HIVEP2: variants seen among roughly 807,000 people sequenced by gnomAD.
The protein encoded by HIVEP2 is HIVEP zinc finger 2.
In HIVEP2, 14 loss-of-function variants were observed where a neutral mutation model predicts 180.7. That is an observed-to-expected ratio of 0.08 (90% CI 0.05 to 0.12). The LOEUF (loss-of-function observed/expected upper bound fraction) is 0.12. Ranked by LOEUF, HIVEP2 falls within the 10% of genes least tolerant of loss-of-function variation. HIVEP2 has a pLI of 1.00. For missense variants in HIVEP2, 2,579 were observed against 3,008.5 expected (o/e 0.86, Z 3.34); for synonymous variants, 1,184 against 1,136.4 (o/e 1.04, Z -0.84).
chr6:142,753,126 T>A lies in HIVEP2; in HGVS notation c.7322A>T (p.Glu2441Val), dbSNP rs1301945969. ...STEESKDPSS[E>V]KSQLH ...CATAGATCAATGTAGCTGACTCTTT[T>A]CTGATGAAGGATCTTTGCTTTCCTC... The change falls in exon 10 of 10, where the codon GAA becomes GTA. Residue 2441 changes from glutamate to valine, a missense_variant. This residue lies in a region of HIVEP2 where 660 missense variants were observed against 731.7 expected (regional missense o/e 0.90). Transcript: ENST00000367603. 1 of 1,604,188 alleles carries A rather than the reference T, an allele frequency of 6.2e-7. No homozygotes were observed. The highest frequency in any genetic ancestry group is 8.5e-7 in the Non-Finnish European group (1 of 1,171,020).
intron 1 of HIVEP2, among the ~76,000 whole-genome samples, chr6:142,873,248 C>T (rs1041087434): frequency 3.9e-5 from 6 of 152,182 alleles, no homozygotes; most frequent in Non-Finnish European, 7.4e-5. Context: ...TTTATATCTA[C>T]TCACTAGAAA....
intron 1 of HIVEP2, among the ~76,000 whole-genome samples, chr6:142,934,611 C>T (rs145396117): frequency 4.6e-5 from 7 of 152,044 alleles, no homozygotes; most frequent in Non-Finnish European, 1.0e-4. Context: ...TTAGAGAAAG[C>T]GAATTTATTA....
intron 1 of HIVEP2, among the ~76,000 whole-genome samples, chr6:142,892,814 G>C (rs1359805957): frequency 6.6e-6 from 1 of 152,158 alleles, no homozygotes; most frequent in South Asian, 2.1e-4. Context: ...AGGGAATGGG[G>C]AGTCAAGATT....
chr6:142,871,588 T>C (rs971642648), intron 1 of HIVEP2, among the ~76,000 whole-genome samples: 56 of 151,838 alleles, frequency 3.7e-4, no homozygotes, highest in African/African-American at 1.3e-3. Context: ...ATTTACCTTA[T>C]GGAGTACATT....
At chr6:142,825,630 G>A (rs921446698) in intron 2 of HIVEP2, among the ~76,000 whole-genome samples, 4 of 152,088 alleles carry the variant, frequency 2.6e-5, no homozygotes, top group Non-Finnish European at 5.9e-5. Context: ...AAATGTGTAA[G>A]GTCAAACATA....
intron 1 of HIVEP2, among the ~76,000 whole-genome samples, chr6:142,852,955 GCTTA>G (rs1249776748): frequency 6.6e-6 from 1 of 152,108 alleles, no homozygotes; most frequent in Non-Finnish European, 1.5e-5. Context: ...GTATTTTTGT[GCTTA>G]TCTTTTAATT....
At chr6:142,823,321 A>C (rs1448085343) in intron 2 of HIVEP2, among the ~76,000 whole-genome samples, 1 of 152,184 alleles carries the variant, frequency 6.6e-6, no homozygotes, top group East Asian at 1.9e-4. Flanking sequence ...ATAGGCATCC[A>C]GATGTCCTGT....
At position 142,936,281 on chromosome 6, in the gene HIVEP2, G is replaced by A. The variant is rs530494515; in HGVS notation, c.-641+8818C>T. On this transcript the variant is annotated intron_variant, in intron 1 of 9. Coordinates refer to ENST00000367603, the MANE Select transcript of HIVEP2 (RefSeq NM_006734.4). The stretch of plus-strand genomic sequence containing the variant: ...GATCTCGGCTCACTGCAACCTCTAC[G>A]TCCCGGGTTCAGGCGATTCTCCTGT... Among the ~76,000 whole-genome samples the A allele has an allele frequency of 3.2e-4, 49 of 151,234 alleles. No homozygotes were observed. The South Asian group carries it at 9.4e-3, about 29-fold the overall frequency.
intron 2 of HIVEP2, among the ~76,000 whole-genome samples, chr6:142,831,131 C>G (rs188803311): frequency 6.6e-6 from 1 of 152,110 alleles, no homozygotes; most frequent in Non-Finnish European, 1.5e-5. Flanking sequence ...GTGGAAGGGT[C>G]GAGGGTCCTA....
Position 142,752,881 on chromosome 6 carries a change from A to AT in HIVEP2, c.*225dup. 1 of 483,280 alleles carries AT rather than the reference A, an allele frequency of 2.1e-6. No homozygotes were observed. 29.9% of individuals were successfully genotyped at this position (483,280 alleles called of 1,614,324 possible). A position where few individuals can be genotyped will look rare whatever the true frequency, so the allele number is the denominator to read the frequency against. ...AAGAAAAGGCACAAACATCTGTACAATTTTAAAAGTACCAGACCCAATAGG... is the reference window on the plus strand; with the variant it reads ...AAGAAAAGGCACAAACATCTGTACAATTTTTAAAAGTACCAGACCCAATAGG... On this transcript the variant is annotated 3_prime_UTR_variant, in exon 10 of 10. Transcript: ENST00000367603.
intron 1 of HIVEP2, among the ~76,000 whole-genome samples, chr6:142,839,969 A>G (rs970966791): frequency 1.3e-5 from 2 of 152,118 alleles, no homozygotes; most frequent in Non-Finnish European, 2.9e-5. Context: ...CAAAAATTCA[A>G]TCATGGCTAG....
intron 1 of HIVEP2, among the ~76,000 whole-genome samples, chr6:142,877,941 C>T (rs535238137): frequency 1.3e-5 from 2 of 152,196 alleles, no homozygotes; most frequent in African/African-American, 4.8e-5. Flanking sequence ...GGCAAAATTT[C>T]CAAACAAGTG....
intron 2 of HIVEP2, among the ~76,000 whole-genome samples, chr6:142,824,142 G>A (rs780765003): frequency 1.3e-5 from 2 of 152,040 alleles, no homozygotes; most frequent in Non-Finnish European, 2.9e-5. Context: ...TGACACCTTA[G>A]TATATATAAT....
At position 142,774,232 on chromosome 6, in the gene HIVEP2, A is replaced by T. The variant is rs779498668; in HGVS notation, c.507T>A (p.Ser169Arg). ...TGTGAGCCTCTTCTGCCTGTTCAAT[A>T]CTTTTCTGGGAGTATTGGCTATAAG... ...NPAYSQYSQK[S>R]IEQAEEAHKK... The change falls in exon 5 of 10, where the codon AGT becomes AGA. Residue 169 changes from serine (S) to arginine (R), a missense_variant. By Grantham distance (110) the Ser-to-Arg change is moderately radical. Coordinates refer to ENST00000367603, the MANE Select transcript of HIVEP2 (RefSeq NM_006734.4). The surrounding 1 kb of genome is among the most constrained non-coding windows in gnomAD (Gnocchi z 5.1). The T allele has an allele frequency of 1.2e-6, 2 of 1,614,114 alleles. No homozygotes were observed. Among genetic ancestry groups the T allele is most frequent in the East Asian group, 2.2e-5 (1 of 44,882 alleles).
chr6:142,908,047 A>T (rs755829685), intron 1 of HIVEP2, among the ~76,000 whole-genome samples: 4 of 152,210 alleles, frequency 2.6e-5, no homozygotes, highest in Non-Finnish European at 5.9e-5. Context: ...AACAACCTAA[A>T]GAACAGGGCA....
intron 1 of HIVEP2, among the ~76,000 whole-genome samples, chr6:142,889,884 G>A (rs1425737076): frequency 6.6e-6 from 1 of 152,172 alleles, no homozygotes; most frequent in Non-Finnish European, 1.5e-5. Context: ...CACTTGAAAT[G>A]TGGCTAGTAT....
intron 9 of HIVEP2, among the ~76,000 whole-genome samples, chr6:142,758,111 C>T (rs935569181): frequency 2.6e-5 from 4 of 152,210 alleles, no homozygotes; most frequent in African/African-American, 9.7e-5. Flanking sequence ...AGGAGATTTA[C>T]AGTTCTCTAT....
chr6:142,912,778 C>A (rs1777447005), intron 1 of HIVEP2, among the ~76,000 whole-genome samples: 1 of 152,198 alleles, frequency 6.6e-6, no homozygotes, highest in African/African-American at 2.4e-5. Context: ...GGAAACCATC[C>A]ACCATCCCCA....
intron 1 of HIVEP2, among the ~76,000 whole-genome samples, chr6:142,930,774 A>G (rs1162267557): frequency 1.3e-5 from 2 of 152,146 alleles, no homozygotes; most frequent in Non-Finnish European, 2.9e-5. Context: ...CAGATGGCCT[A>G]TAATCAAGCA....
Sources: allele counts gnomAD v4.1 joint callset (sites outside exome capture counted in the v4.1 genomes callset), GRCh38; gene constraint gnomAD v4.1.1; regional missense constraint gnomAD v4.1.1; non-coding constraint Gnocchi (gnomAD v3.1); transcripts MANE v1.5; gene names NCBI Gene and HGNC (gene_info 2026-07-23, HGNC 2026-07-21).